Variants in TMC1 observed in about 807,000 individuals in gnomAD.
The protein encoded by TMC1 is transmembrane channel like 1.
TMC1 carries 84 observed loss-of-function variants against 105.8 expected under a neutral mutation model. The ratio of observed to expected loss-of-function variants is 0.79; its 90% CI spans 0.67 to 0.95. The LOEUF is 0.95. Among genes scored for constraint, TMC1 ranks in the 40% least tolerant of loss-of-function variants. The probability of loss-of-function intolerance (pLI) is 0.00; values close to 1 mark genes in which losing one functional copy is unlikely to be tolerated. For synonymous variants in TMC1, 315 were observed against 311.5 expected (o/e 1.01, Z -0.12); for missense variants, 817 against 914.1 (o/e 0.89, Z 1.37).
At chr9:72,713,818 T>C (rs1826874873) in intron 8 of TMC1, among the ~76,000 whole-genome samples, 1 of 152,004 alleles carries the variant, frequency 6.6e-6, no homozygotes, top group African/African-American at 2.4e-5. Context: ...AGCTTTTAAA[T>C]TTTTTTGCTC....
intron 8 of TMC1, among the ~76,000 whole-genome samples, chr9:72,723,425 T>C (rs558423399): frequency 2.0e-5 from 3 of 152,326 alleles, no homozygotes; most frequent in South Asian, 2.1e-4. Context: ...TCTACCACAA[T>C]TGCCTGCTTC....
intron 2 of TMC1, among the ~76,000 whole-genome samples, chr9:72,586,521 A>C (rs562109294): frequency 3.9e-5 from 6 of 152,202 alleles, no homozygotes; most frequent in Non-Finnish European, 5.9e-5. Flanking sequence ...GCTTCTATTC[A>C]GAGAGATGAA....
At chr9:72,813,609 G>T (rs1828738316) in intron 18 of TMC1, among the ~76,000 whole-genome samples, 1 of 152,178 alleles carries the variant, frequency 6.6e-6, no homozygotes. Flanking sequence ...GCTAAATGCT[G>T]TTGTTTTAGT....
intron 18 of TMC1, among the ~76,000 whole-genome samples, chr9:72,805,861 G>T (rs1429275481): frequency 6.6e-6 from 1 of 152,178 alleles, no homozygotes; most frequent in Non-Finnish European, 1.5e-5. Flanking sequence ...AGGGTTGGGG[G>T]CAAGGTCACA....
Position 72,623,222 on chromosome 9 carries a change from CAG to C in TMC1, c.-195-4695_-195-4694del, listed in dbSNP as rs1564451331. 7.1e-5 allele frequency among the ~76,000 whole-genome samples: 10 copies of C among 140,276 alleles called. No homozygotes were observed. In the East Asian group the frequency reaches 2.2e-3, roughly 31 times the overall value. The allele number at this position is 140,276 out of a possible 152,430, so 92.0% of individuals were successfully genotyped here. A position where few individuals can be genotyped will look rare whatever the true frequency, so the allele number is the denominator to read the frequency against. The stretch of plus-strand genomic sequence containing the variant: ...GCTCATTTGCTAGGGTCATTGGACA[CAG>C]AGATACCAAGATGTCTTCAGAAATC... On this transcript the variant is annotated intron_variant, in intron 3 of 23. Coordinates refer to ENST00000297784, the MANE Select transcript of TMC1 (RefSeq NM_138691.3).
In TMC1 at chr9:72,725,372, T is replaced by C. The variant is rs1356725203; in HGVS notation, c.363-14747T>C. On this transcript the variant is annotated intron_variant, in intron 8 of 23. Coordinates refer to ENST00000297784, the MANE Select transcript of TMC1 (RefSeq NM_138691.3). ...ATATATATATATATATATATATGTA[T>C]ATACACACACACATGCGTACATATA... is the stretch of plus-strand genomic sequence containing the variant. 5.6e-4 allele frequency among the ~76,000 whole-genome samples: 71 copies of C among 127,576 alleles called. 2 individuals carry two copies. Among genetic ancestry groups the C allele is most frequent in the South Asian group, 2.7e-3 (10 of 3,724 alleles). The allele number at this position is 127,576 out of a possible 152,430, so 83.7% of individuals were successfully genotyped here. A position where few individuals can be genotyped will look rare whatever the true frequency, so the allele number is the denominator to read the frequency against.
intron 4 of TMC1, among the ~76,000 whole-genome samples, chr9:72,646,559 CTT>C (rs2132148098): frequency 6.6e-6 from 1 of 152,102 alleles, no homozygotes; most frequent in East Asian, 1.9e-4. Context: ...ATTTTCCCTT[CTT>C]TTATGATATT....
At chr9:72,794,074 C>T (rs1293475296) in intron 17 of TMC1, among the ~76,000 whole-genome samples, 2 of 152,128 alleles carry the variant, frequency 1.3e-5, no homozygotes, top group Admixed American at 1.3e-4. Flanking sequence ...ACAGGTCCTA[C>T]CTACCCCCAC....
chr9:72,775,255 CT>C (rs35632654), intron 13 of TMC1, among the ~76,000 whole-genome samples: 30,224 of 146,680 alleles, frequency 0.21, 3,302 homozygotes, highest in African/African-American at 0.28. Context: ...TTCTTTTATC[CT>C]TTTTTTTTTT....
At chr9:72,725,449 G>A (rs1208866237) in intron 8 of TMC1, among the ~76,000 whole-genome samples, 2 of 148,936 alleles carry the variant, frequency 1.3e-5, no homozygotes, top group Non-Finnish European at 3.0e-5. Flanking sequence ...GTTCCACAAC[G>A]GCTGTCTGCA....
At chr9:72,827,977 ATCT>A (rs2118322597) in intron 21 of TMC1, among the ~76,000 whole-genome samples, 2 of 152,328 alleles carry the variant, frequency 1.3e-5, no homozygotes, top group South Asian at 4.1e-4. Context: ...GGGCAGGTTT[ATCT>A]TCTTCAATTT....
At chr9:72,676,376 ATT>A (rs1276326578) in intron 5 of TMC1, among the ~76,000 whole-genome samples, 3 of 152,154 alleles carry the variant, frequency 2.0e-5, no homozygotes, top group Admixed American at 6.6e-5. Context: ...GATGCCAAAA[ATT>A]TGTGTGTTGG....
At chr9:72,787,249 A>C (rs1828182042) in intron 13 of TMC1, among the ~76,000 whole-genome samples, 1 of 152,238 alleles carries the variant, frequency 6.6e-6, no homozygotes, top group Non-Finnish European at 1.5e-5. Context: ...ATGTGAAAGC[A>C]CACACAATCA....
At chr9:72,548,701 C>T (rs1823811931) in intron 1 of TMC1, among the ~76,000 whole-genome samples, 1 of 151,770 alleles carries the variant, frequency 6.6e-6, no homozygotes, top group Non-Finnish European at 1.5e-5. Context: ...AAAAAGCAGA[C>T]TTGTCGTGCT....
intron 18 of TMC1, among the ~76,000 whole-genome samples, chr9:72,807,122 GCGAGCCTGCAATCGCAGGCA>G (rs1828612278): frequency 6.6e-6 from 1 of 152,182 alleles, no homozygotes; most frequent in Admixed American, 6.5e-5. Context: ...GCGTGTCGGC[GCGAGCCTGCAATCGCAGGCA>G]CTCGGCATGC....
chr9:72,747,697 G>A (rs568074685), intron 10 of TMC1, among the ~76,000 whole-genome samples: 11 of 152,156 alleles, frequency 7.2e-5, no homozygotes, highest in South Asian at 2.1e-4. Context: ...CTGGGTTCAA[G>A]TGATTCTCCT....
intron 2 of TMC1, among the ~76,000 whole-genome samples, chr9:72,579,618 A>G (rs1587971487): frequency 6.6e-6 from 1 of 152,342 alleles, no homozygotes. Context: ...CAGAAGGGAT[A>G]AAAATGGAAG....
chr9:72,805,950 A>G (rs1232719186), intron 18 of TMC1, among the ~76,000 whole-genome samples: 1 of 152,138 alleles, frequency 6.6e-6, no homozygotes, highest in Non-Finnish European at 1.5e-5. Context: ...ACTTCTTTCT[A>G]CACAGACACG....
At chr9:72,721,924 T>G (rs981557103) in intron 8 of TMC1, among the ~76,000 whole-genome samples, 3 of 152,172 alleles carry the variant, frequency 2.0e-5, no homozygotes, top group Admixed American at 6.5e-5. Context: ...GTCTCCCTAG[T>G]AATTAACAAA....
Sources: allele counts gnomAD v4.1 joint callset (sites outside exome capture counted in the v4.1 genomes callset), GRCh38; gene constraint gnomAD v4.1.1; transcripts MANE v1.5; gene names NCBI Gene and HGNC (gene_info 2026-07-23, HGNC 2026-07-21).